The following DHRSX variants were observed in gnomAD, a reference collection of about 807,000 sequenced individuals.
DHRSX encodes dehydrogenase/reductase X-linked.
A neutral mutation model predicts 34.0 loss-of-function variants in DHRSX; 31 were observed. The ratio of observed to expected loss-of-function variants is 0.91; its 90% CI spans 0.69 to 1.23. DHRSX has a LOEUF of 1.23. Among genes scored for constraint, DHRSX ranks in the 50% most tolerant of loss-of-function variants. DHRSX has a pLI of 0.00. For synonymous variants in DHRSX, 201 were observed against 183.8 expected (o/e 1.09, Z -0.76); for missense variants, 414 against 428.1 (o/e 0.97, Z 0.29).
chrX:2,425,293 G>C lies in DHRSX; in HGVS notation c.121C>G (p.Arg41Gly). 1 of 1,613,270 alleles carries C rather than the reference G, an allele frequency of 6.2e-7. No individual in the cohort carries two copies. The highest frequency in any genetic ancestry group is 8.5e-7 in the Non-Finnish European group (1 of 1,179,442). Residue 41 changes from arginine to glycine, a missense_variant, in exon 2 of 7, where the codon CGA (arginine) becomes GGA (glycine). Transcript: ENST00000334651. The stretch of plus-strand genomic sequence containing the variant: ...GTCACTATAGCGACACGGTCAGGTC[G>C]TGGGGGGAAAACTGAAAAAGAAGAA... ...GGFLEPVFPP[R>G]PDRVAIVTGG... is the part of the protein sequence containing the mutation.
At chrX:2,426,937 C>T (rs2124652717) in intron 1 of DHRSX, among the ~76,000 whole-genome samples, 1 of 152,190 alleles carries the variant, frequency 6.6e-6, no homozygotes, top group South Asian at 2.1e-4. Context: ...ACACTCTGTG[C>T]CCAGCATACA....
chrX:2,298,842 G>A (rs756951433), intron 3 of DHRSX, among the ~76,000 whole-genome samples: 22 of 152,028 alleles, frequency 1.4e-4, no homozygotes, highest in African/African-American at 4.8e-4. Context: ...AAAATTAGCC[G>A]GGTGTGGTGG....
chrX:2,460,575 C>A (rs1183209390), intron 1 of DHRSX, among the ~76,000 whole-genome samples: 1 of 124,560 alleles, frequency 8.0e-6, no homozygotes, highest in Non-Finnish European at 1.7e-5. Context: ...TGTGCCACCA[C>A]GTCTGGCTTT....
rs1177501942 is a variant in DHRSX at position 2,485,750 on chromosome X, GGAAGGAAGGGAGA to G, written c.109+15054_109+15066del. Among the ~76,000 whole-genome samples, 282 of 57,120 alleles carry G rather than the reference GGAAGGAAGGGAGA, an allele frequency of 4.9e-3. 8 individuals carry two copies. Among genetic ancestry groups the G allele is most frequent in the Non-Finnish European group, 7.7e-3 (234 of 30,352 alleles). The allele number at this position is 57,120 out of a possible 152,430, so 37.5% of individuals were successfully genotyped here. A position where few individuals can be genotyped will look rare whatever the true frequency, so the allele number is the denominator to read the frequency against. On this transcript the variant is annotated intron_variant, in intron 1 of 6. Coordinates refer to ENST00000334651, the MANE Select transcript of DHRSX (RefSeq NM_145177.3). ...AAGGGAGAAAAGGGAGAGAAGGGAGGGAAGGAAGGGAGAGAAGGAAGGAAGGGAGAAAAGGGAG... is the reference window on the plus strand; with the variant it reads ...AAGGGAGAAAAGGGAGAGAAGGGAGGGAAGGAAGGAAGGGAGAAAAGGGAG...
At chrX:2,321,411 C>A (rs2042309409) in intron 3 of DHRSX, among the ~76,000 whole-genome samples, 1 of 152,020 alleles carries the variant, frequency 6.6e-6, no homozygotes, top group Non-Finnish European at 1.5e-5. Flanking sequence ...ATGGTGTCAC[C>A]CCGAATCTCA....
intron 3 of DHRSX, among the ~76,000 whole-genome samples, chrX:2,381,918 G>A (rs1366713457): frequency 1.3e-5 from 2 of 151,786 alleles, no homozygotes; most frequent in South Asian, 2.1e-4. Context: ...GTGCAAATCT[G>A]CAGGAGGGGT....
chrX:2,438,446 T>A (rs4892818), intron 1 of DHRSX, among the ~76,000 whole-genome samples: 18 of 152,194 alleles, frequency 1.2e-4, no homozygotes, highest in South Asian at 2.1e-4. Flanking sequence ...TAAGGTGGGC[T>A]GATCACCTGA....
intron 3 of DHRSX, among the ~76,000 whole-genome samples, chrX:2,369,408 TCAA>T (rs1187285823): frequency 1.3e-5 from 2 of 152,278 alleles, no homozygotes; most frequent in Non-Finnish European, 2.9e-5. Flanking sequence ...GTCTTGTGAG[TCAA>T]CAAGATGCAG....
At chrX:2,324,468 T>C (rs2042352318) in intron 3 of DHRSX, among the ~76,000 whole-genome samples, 1 of 152,168 alleles carries the variant, frequency 6.6e-6, no homozygotes, top group African/African-American at 2.4e-5. Context: ...TTTCCAACGT[T>C]GCCCTTGGAT....
chrX:2,342,220 T>A (rs1443171329), intron 3 of DHRSX, among the ~76,000 whole-genome samples: 1 of 152,082 alleles, frequency 6.6e-6, no homozygotes, highest in African/African-American at 2.4e-5. Context: ...CGGCCACATA[T>A]CCAGAAAATA....
intron 6 of DHRSX, among the ~76,000 whole-genome samples, chrX:2,239,250 G>C (rs994779368): frequency 6.6e-6 from 1 of 152,032 alleles, no homozygotes; most frequent in African/African-American, 2.4e-5. Flanking sequence ...TAATGTCAAG[G>C]CCAGCCATGG....
intron 3 of DHRSX, among the ~76,000 whole-genome samples, chrX:2,316,934 G>A (rs116159037): frequency 0.013 from 1,994 of 152,258 alleles, 44 homozygotes; most frequent in African/African-American, 0.04. Context: ...ACAGACGCCA[G>A]TCACCATAGG....
intron 1 of DHRSX, among the ~76,000 whole-genome samples, chrX:2,469,235 C>T (rs1301943704): frequency 1.3e-5 from 2 of 150,428 alleles, no homozygotes; most frequent in Non-Finnish European, 3.0e-5. Context: ...GCCAAGGGAC[C>T]GCACTGAAGA....
At chrX:2,346,506 G>C (rs959819001) in intron 3 of DHRSX, among the ~76,000 whole-genome samples, 4 of 151,838 alleles carry the variant, frequency 2.6e-5, no homozygotes, top group African/African-American at 9.7e-5. Flanking sequence ...TCAATCTCCT[G>C]AAGATAGCCC....
At chrX:2,370,481 T>C (rs193045499) in intron 3 of DHRSX, among the ~76,000 whole-genome samples, 1 of 151,810 alleles carries the variant, frequency 6.6e-6, no homozygotes, top group Non-Finnish European at 1.5e-5. Context: ...GAGGGCTTTG[T>C]ATTTTACGGA....
chrX:2,351,739 C>T (rs757259701), intron 3 of DHRSX, among the ~76,000 whole-genome samples: 1 of 152,266 alleles, frequency 6.6e-6, no homozygotes, highest in African/African-American at 2.4e-5. Flanking sequence ...ACTGAGAGCC[C>T]TCCCTGCCCT....
intron 5 of DHRSX, among the ~76,000 whole-genome samples, chrX:2,254,408 T>C (rs1174263392): frequency 2.0e-5 from 3 of 152,204 alleles, no homozygotes; most frequent in Non-Finnish European, 4.4e-5. Context: ...TCATTAAACC[T>C]GATGACAATC....
At chrX:2,293,552 G>A (rs2041892597) in intron 3 of DHRSX, among the ~76,000 whole-genome samples, 1 of 152,120 alleles carries the variant, frequency 6.6e-6, no homozygotes, top group African/African-American at 2.4e-5. Context: ...TGAAAGGTGA[G>A]GATGGGGAAT....
intron 3 of DHRSX, among the ~76,000 whole-genome samples, chrX:2,351,770 A>G (rs750223746): frequency 1.3e-5 from 2 of 152,326 alleles, no homozygotes; most frequent in Admixed American, 1.3e-4. Flanking sequence ...CCCAGGCTGG[A>G]GTGCAGTGGC....
Sources: gnomAD v4.1 joint callset for allele counts (sites outside exome capture counted in the v4.1 genomes callset) on GRCh38, gnomAD v4.1.1 for gene constraint, MANE v1.5 for transcripts, NCBI Gene and HGNC (gene_info 2026-07-23, HGNC 2026-07-21) for gene names.